Variants in BRD10 observed in about 807,000 individuals in gnomAD.
BRD10 encodes uncharacterized bromodomain-containing protein 10.
chr9:5,944,447 A>G, the BRD10 span, among the ~76,000 whole-genome samples: 1 of 152,126 alleles, frequency 6.6e-6, no homozygotes, highest in African/African-American at 2.4e-5. Flanking sequence ...GTATGTGTCA[A>G]AATTATCCGG....
At chr9:5,989,847 C>T in the BRD10 span, among the ~76,000 whole-genome samples, 68 of 152,258 alleles carry the variant, frequency 4.5e-4, no homozygotes, top group East Asian at 0.012. Context: ...ATCTTTATGA[C>T]ATAAAATATA....
the BRD10 span, chr9:6,008,121 G>A: frequency 7.1e-6 from 7 of 984,000 alleles, no homozygotes; most frequent in South Asian, 4.7e-5. Context: ...GCCAGGCCCT[G>A]CCGGGTCGCC....
the BRD10 span, among the ~76,000 whole-genome samples, chr9:5,965,268 C>G: frequency 6.6e-6 from 1 of 150,558 alleles, no homozygotes; most frequent in African/African-American, 2.4e-5. Flanking sequence ...ACAGAATACA[C>G]AGGTTATCGG....
chr9:5,996,024 T>C, the BRD10 span, among the ~76,000 whole-genome samples: 14 of 152,074 alleles, frequency 9.2e-5, no homozygotes, highest in African/African-American at 3.4e-4. Context: ...TTTTAACATT[T>C]TGAGATAACA....
the BRD10 span, among the ~76,000 whole-genome samples, chr9:5,884,715 ACC>A: frequency 6.6e-6 from 1 of 152,206 alleles, no homozygotes; most frequent in South Asian, 2.1e-4. Flanking sequence ...ATTGTAGTGA[ACC>A]CTGGTGTTGA....
chr9:5,962,149 ATAGACCG>A, the BRD10 span, among the ~76,000 whole-genome samples: 1 of 152,188 alleles, frequency 6.6e-6, no homozygotes, highest in African/African-American at 2.4e-5. Context: ...CACTGCTTTG[ATAGACCG>A]CTAGCAAGAC....
chr9:5,968,069 T>C, the BRD10 span: 35 of 1,553,880 alleles, frequency 2.3e-5, no homozygotes, highest in Non-Finnish European at 2.9e-5. Context: ...CAATAACTTA[T>C]TCTGGATCTC....
chr9:5,928,080 T>C, the BRD10 span, among the ~76,000 whole-genome samples: 2 of 152,162 alleles, frequency 1.3e-5, no homozygotes, highest in Non-Finnish European at 2.9e-5. Flanking sequence ...GAGTTTCCCC[T>C]ATCTCAGTTA....
At chr9:5,934,558 G>T in the BRD10 span, among the ~76,000 whole-genome samples, 1 of 151,904 alleles carries the variant, frequency 6.6e-6, no homozygotes, top group South Asian at 2.1e-4. Context: ...TAGAGATGAG[G>T]CTTCACCATA....
chr9:5,984,759 A>G, the BRD10 span, among the ~76,000 whole-genome samples: 12 of 152,132 alleles, frequency 7.9e-5, no homozygotes, highest in African/African-American at 2.2e-4. Context: ...ATATGTAGGG[A>G]AAAAGGTAAC....
At chr9:5,955,092 AAAAAAT>A in the BRD10 span, among the ~76,000 whole-genome samples, 4 of 152,112 alleles carry the variant, frequency 2.6e-5, no homozygotes, top group Non-Finnish European at 5.9e-5. Context: ...CTGTCTCAAA[AAAAAAT>A]AATAATAAAA....
At chr9:6,001,079 G>C in the BRD10 span, among the ~76,000 whole-genome samples, 1 of 152,092 alleles carries the variant, frequency 6.6e-6, no homozygotes, top group Non-Finnish European at 1.5e-5. Context: ...GGGCTCAAAT[G>C]CTTCTATTCA....
At chr9:5,930,981 G>C in the BRD10 span, among the ~76,000 whole-genome samples, 29,555 of 152,196 alleles carry the variant, frequency 0.19, 3,069 homozygotes, top group Middle Eastern at 0.29. Flanking sequence ...GCTTCAAGAA[G>C]TCAAATGGTC....
the BRD10 span, among the ~76,000 whole-genome samples, chr9:5,899,729 G>A: frequency 1.3e-5 from 2 of 152,040 alleles, no homozygotes; most frequent in Admixed American, 6.6e-5. Context: ...TTGCCTCTTC[G>A]ACCCCTCCGC....
At chr9:5,925,210 T>C in the BRD10 span, among the ~76,000 whole-genome samples, 3 of 151,796 alleles carry the variant, frequency 2.0e-5, no homozygotes, top group East Asian at 1.9e-4. Context: ...AATACAAAAA[T>C]TAGCCAGGCG....
At chr9:5,946,755 C>G in the BRD10 span, among the ~76,000 whole-genome samples, 1 of 152,008 alleles carries the variant, frequency 6.6e-6, no homozygotes, top group Non-Finnish European at 1.5e-5. Flanking sequence ...TCTCACTACA[C>G]AAGGAATAGG....
At chr9:5,987,341 G>A in the BRD10 span, among the ~76,000 whole-genome samples, 1 of 152,124 alleles carries the variant, frequency 6.6e-6, no homozygotes, top group East Asian at 1.9e-4. Flanking sequence ...TGGAGGTGGT[G>A]ACCAGTAGTG....
chr9:5,908,613 C>T, the BRD10 span: 31 of 1,598,118 alleles, frequency 1.9e-5, no homozygotes, highest in Admixed American at 3.3e-5. Flanking sequence ...TTGCCAAGCC[C>T]ATATTCTCCC....
chr9:5,940,892 A>C, the BRD10 span, among the ~76,000 whole-genome samples: 1 of 152,212 alleles, frequency 6.6e-6, no homozygotes, highest in Non-Finnish European at 1.5e-5. Flanking sequence ...GTGGTCTTAC[A>C]TTTAAAATTT....
Sources: gnomAD v4.1 joint callset for allele counts (sites outside exome capture counted in the v4.1 genomes callset) on GRCh38, gnomAD v4.1.1 for gene constraint, MANE v1.5 for transcripts, NCBI Gene and HGNC (gene_info 2026-07-23, HGNC 2026-07-21) for gene names.